FNBP4: variants seen among roughly 807,000 people sequenced by gnomAD.
FNBP4 encodes the protein formin binding protein 4, also known as formin-binding protein 4.
FNBP4 carries 34 observed loss-of-function variants against 119.3 expected under a neutral mutation model. The observed-to-expected ratio is 0.28, with a 90% CI of 0.22 to 0.38. FNBP4 has a LOEUF of 0.38. Among genes scored for constraint, FNBP4 ranks in the 10% least tolerant of loss-of-function variants. The pLI is 1.00. For synonymous variants in FNBP4, 462 were observed against 430.6 expected, an observed-to-expected ratio of 1.07 and a Z score of -0.90; for missense variants, 1,112 against 1,228.9, an observed-to-expected ratio of 0.90 and a Z score of 1.42.
At chr11:47,723,708 G>A (rs2097558151) in intron 14 of FNBP4, among the ~76,000 whole-genome samples, 1 of 152,036 alleles carries the variant, frequency 6.6e-6, no homozygotes, top group African/African-American at 2.4e-5. Flanking sequence ...GGGACTACAG[G>A]TGCAGACTAC....
rs759611922 is a variant in FNBP4 at position 47,753,064 on chromosome 11, A to C, written c.489T>G (p.Pro163=). ...DAITAPQPAA[P]VGASAPPPTP... is the part of the protein sequence containing the mutation. Reference sequence around the variant, plus strand: ...TTGGAGGTGGAGCAGAAGCTCCTACAGGAGCTGCAGGCTGAGGAGCTGTTA... The same window carrying C: ...TTGGAGGTGGAGCAGAAGCTCCTACCGGAGCTGCAGGCTGAGGAGCTGTTA... Residue 163 remains proline (P), a synonymous_variant, in exon 4 of 17, where the codon CCT becomes CCG. Transcript: ENST00000263773. 3.7e-6 allele frequency: 6 copies of C among 1,613,934 alleles called. No homozygotes were observed. In the South Asian group the frequency reaches 6.6e-5, roughly 18 times the overall value.
chr11:47,756,028 C>A (rs1187414698), intron 2 of FNBP4, among the ~76,000 whole-genome samples: 2 of 152,122 alleles, frequency 1.3e-5, no homozygotes, highest in Admixed American at 1.3e-4. Flanking sequence ...AAAAACGAAG[C>A]TTTTAATCAA....
chr11:47,728,005 A>G (rs2097563097), intron 12 of FNBP4, among the ~76,000 whole-genome samples: 1 of 151,872 alleles, frequency 6.6e-6, no homozygotes, highest in Non-Finnish European at 1.5e-5. Flanking sequence ...CAGCCTCCCG[A>G]GTAGCTAGGA....
intron 2 of FNBP4, among the ~76,000 whole-genome samples, chr11:47,758,603 GC>G (rs1187759395): frequency 6.6e-6 from 1 of 152,008 alleles, no homozygotes; most frequent in Non-Finnish European, 1.5e-5. Flanking sequence ...GGTGGCTCAT[GC>G]CTGTAATGCC....
At chr11:47,763,660 C>T (rs1290495905) in intron 2 of FNBP4, among the ~76,000 whole-genome samples, 2 of 152,076 alleles carry the variant, frequency 1.3e-5, no homozygotes, top group Admixed American at 1.3e-4. Flanking sequence ...GCCACCACGC[C>T]CAGCTAATTT....
chr11:47,740,635 T>C (rs1167020905), intron 8 of FNBP4, among the ~76,000 whole-genome samples: 1 of 151,280 alleles, frequency 6.6e-6, no homozygotes, highest in Non-Finnish European at 1.5e-5. Context: ...ACTCTGTCGC[T>C]TAGGCTGAAG....
rs1321648829 is a variant in FNBP4 at position 47,751,213 on chromosome 11, T to A, written c.715A>T (p.Asn239Tyr). The A allele has an allele frequency of 6.2e-7, 1 of 1,614,046 alleles. No homozygotes were observed. Among genetic ancestry groups the A allele is most frequent in the East Asian group, 2.2e-5 (1 of 44,900 alleles). ...TGGGGTAACTCCCAAGTCACTTCAT[T>A]TGTTTGTGTATTCCAATAATAATAA... ...GCYYYWNTQT[N>Y]EVTWELPQYL... Residue 239 changes from asparagine to tyrosine, a missense_variant, in exon 5 of 17, where the codon AAT becomes TAT. Physicochemically the swap from Asn to Tyr is moderately radical, Grantham distance 143. Transcript: ENST00000263773.
intron 2 of FNBP4, among the ~76,000 whole-genome samples, chr11:47,755,312 G>A (rs1015735931): frequency 1.3e-5 from 2 of 151,666 alleles, no homozygotes; most frequent in Non-Finnish European, 2.9e-5. Context: ...ATCCAGGTGT[G>A]GTGGCACATG....
rs1256354683 is a variant in FNBP4, at chr11:47,736,476, A to T, written c.1581+140T>A. The T allele has an allele frequency of 5.1e-6, 3 of 585,284 alleles. No individual in the cohort carries two copies. In the African/African-American group the frequency reaches 5.8e-5, roughly 11 times the overall value. 36.3% of individuals were successfully genotyped at this position (585,284 alleles called of 1,614,324 possible). ...GAGGCTGAAGCAGGAGAATGGCTTG[A>T]ACCCAGGAGGCAGGCAGAGGTTGCA... On this transcript the variant is annotated intron_variant, in intron 9 of 16. Transcript: ENST00000263773.
chr11:47,726,835 T>C (rs188755746), intron 12 of FNBP4: 57 of 152,316 alleles, frequency 3.7e-4, no homozygotes, highest in African/African-American at 1.3e-3. Context: ...ATTAAACTAA[T>C]CACAACATAC....
At chr11:47,759,074 C>A (rs1196214221) in intron 2 of FNBP4, among the ~76,000 whole-genome samples, 1 of 151,738 alleles carries the variant, frequency 6.6e-6, no homozygotes, top group African/African-American at 2.4e-5. Flanking sequence ...CGCACGCCAC[C>A]ACGACCTGCT....
intron 16 of FNBP4, among the ~76,000 whole-genome samples, chr11:47,719,327 G>A (rs1215794076): frequency 1.3e-5 from 2 of 152,240 alleles, no homozygotes; most frequent in Non-Finnish European, 2.9e-5. Flanking sequence ...AAGCAAGGTA[G>A]TGAAGGATTT....
chr11:47,718,302 C>T (rs1421079514), intron 16 of FNBP4, among the ~76,000 whole-genome samples: 1 of 152,052 alleles, frequency 6.6e-6, no homozygotes, highest in Non-Finnish European at 1.5e-5. Context: ...CAACCTCTGC[C>T]TCCTAGGTCC....
intron 16 of FNBP4, 31 bp downstream of exon 16, chr11:47,719,898 C>G: frequency 2.5e-6 from 4 of 1,611,342 alleles, no homozygotes; most frequent in Non-Finnish European, 3.4e-6. Flanking sequence ...ACTCCAAAAC[C>G]CCATCTCATC....
intron 12 of FNBP4, among the ~76,000 whole-genome samples, chr11:47,728,491 C>T (rs950312011): frequency 1.0e-4 from 15 of 150,102 alleles, no homozygotes; most frequent in African/African-American, 2.2e-4. Flanking sequence ...GTGATCTGCG[C>T]GCCTTGGCCT....
intron 11 of FNBP4, chr11:47,731,790 C>G: frequency 8.0e-7 from 1 of 1,246,180 alleles, no homozygotes; most frequent in Non-Finnish European, 1.0e-6. Flanking sequence ...TGAACCCTCT[C>G]ACTCCAACAG....
intron 8 of FNBP4, among the ~76,000 whole-genome samples, chr11:47,738,847 AT>A (rs71045510): frequency 7.2e-5 from 8 of 110,978 alleles, no homozygotes; most frequent in Non-Finnish European, 1.5e-4. Context: ...TGCCCAGGTA[AT>A]TTTTTTTTTT....
chr11:47,746,807 G>A (rs984373729), intron 6 of FNBP4, among the ~76,000 whole-genome samples: 24 of 152,086 alleles, frequency 1.6e-4, no homozygotes, highest in Middle Eastern at 3.4e-3. Context: ...CACCGTGCCC[G>A]GCCAAAACCA....
In FNBP4 at chr11:47,723,136, C is replaced by G. The variant is rs766316813; in HGVS notation, c.2645G>C (p.Gly882Ala). The G allele has an allele frequency of 6.2e-7, 1 of 1,613,956 alleles. No individual in the cohort carries two copies. Among genetic ancestry groups the G allele is most frequent in the South Asian group, 1.1e-5 (1 of 91,064 alleles). The change falls in exon 15 of 17, where the codon GGA becomes GCA. Residue 882 changes from glycine to alanine, a missense_variant. Gly to Ala is a moderately conservative substitution (Grantham distance 60). Around this residue, in one of 2 missense-constraint regions of FNBP4, gnomAD observed 826 missense variants for 988.8 expected, o/e 0.84. Coordinates refer to ENST00000263773, the MANE Select transcript of FNBP4 (RefSeq NM_015308.5). ...TGGCTGCAATGAGGGAGCAGTCACT[C>G]CAATTGGGACAGAACATTCTGCATA... ...MSYAECSVPI[G>A]VTAPSLQPVQ...
Sources: allele counts gnomAD v4.1 joint callset (sites outside exome capture counted in the v4.1 genomes callset), GRCh38; gene constraint gnomAD v4.1.1; regional missense constraint gnomAD v4.1.1; transcripts MANE v1.5; gene names NCBI Gene and HGNC (gene_info 2026-07-23, HGNC 2026-07-21).